The following PKP4 variants were observed in gnomAD, a reference collection of about 807,000 sequenced individuals.
The protein encoded by PKP4 is plakophilin 4, also known as plakophilin-4.
PKP4 carries 90 observed loss-of-function variants against 145.1 expected under a neutral mutation model. The ratio of observed to expected loss-of-function variants is 0.62; its 90% CI spans 0.52 to 0.74. PKP4 has a LOEUF of 0.74. Among genes scored for constraint, PKP4 ranks in the 30% least tolerant of loss-of-function variants. The probability of loss-of-function intolerance (pLI) is 0.00; values close to 1 mark genes in which losing one functional copy is unlikely to be tolerated. For synonymous variants in PKP4, 563 were observed against 577.2 expected (o/e 0.98, Z 0.35); for missense variants, 1,340 against 1,482.7 (o/e 0.90, Z 1.58).
chr2:158,529,101 T>C (rs1275634253), intron 1 of PKP4, among the ~76,000 whole-genome samples: 3 of 152,154 alleles, frequency 2.0e-5, no homozygotes, highest in Admixed American at 6.5e-5. Context: ...ATCATGGGAG[T>C]GTGCTACCTT....
At chr2:158,509,583 T>C (rs2041311581) in intron 1 of PKP4, among the ~76,000 whole-genome samples, 1 of 152,180 alleles carries the variant, frequency 6.6e-6, no homozygotes, top group Non-Finnish European at 1.5e-5. Flanking sequence ...GGTGGAATTA[T>C]AGCTCTGATT....
intron 3 of PKP4, among the ~76,000 whole-genome samples, chr2:158,600,200 G>T (rs546523672): frequency 1.3e-5 from 2 of 152,198 alleles, no homozygotes; most frequent in Admixed American, 1.3e-4. Flanking sequence ...AAGGTTATTA[G>T]TGGATTTCAT....
chr2:158,491,216 A>G (rs1694887065), intron 1 of PKP4, among the ~76,000 whole-genome samples: 1 of 151,988 alleles, frequency 6.6e-6, no homozygotes, highest in Non-Finnish European at 1.5e-5. Flanking sequence ...ACCATCGTAA[A>G]AAGGGGTGCG....
rs879242722 is a variant in PKP4 at position 158,605,878 on chromosome 2, T to C, written c.280+2774T>C. 5.3e-5 allele frequency among the ~76,000 whole-genome samples: 8 copies of C among 152,166 alleles called. 1 individual carries two copies. The highest frequency in any genetic ancestry group is 5.2e-4 in the Admixed American group (8 of 15,274). On this transcript the variant is annotated intron_variant, in intron 4 of 21. Coordinates refer to ENST00000389759, the MANE Select transcript of PKP4 (RefSeq NM_003628.6). ...GATTTGCCTATTCTAGACATTTCAGTTGAATAGAATCATACATGTGGTCCT... is the reference window on the plus strand; with the variant it reads ...GATTTGCCTATTCTAGACATTTCAGCTGAATAGAATCATACATGTGGTCCT...
At chr2:158,667,622 G>A (rs147735146) in intron 16 of PKP4, among the ~76,000 whole-genome samples, 73 of 152,334 alleles carry the variant, frequency 4.8e-4, no homozygotes, top group African/African-American at 1.6e-3. Flanking sequence ...AGGATTAAAC[G>A]TGATGACTTA....
At chr2:158,600,823 C>G (rs1197890602) in intron 3 of PKP4, among the ~76,000 whole-genome samples, 1 of 152,078 alleles carries the variant, frequency 6.6e-6, no homozygotes. Context: ...GCTTGTTTTT[C>G]TAATGATTTA....
intron 1 of PKP4, among the ~76,000 whole-genome samples, chr2:158,492,710 A>G (rs1036764023): frequency 6.6e-6 from 1 of 152,042 alleles, no homozygotes; most frequent in Non-Finnish European, 1.5e-5. Flanking sequence ...GACTCTTACT[A>G]CTTAAGTTCT....
intron 3 of PKP4, among the ~76,000 whole-genome samples, chr2:158,580,109 G>A (rs1452885590): frequency 6.6e-6 from 1 of 152,174 alleles, no homozygotes; most frequent in Non-Finnish European, 1.5e-5. Context: ...TGTTAAATGA[G>A]GGAGTGGTTG....
chr2:158,510,232 T>C (rs1467472944), intron 1 of PKP4, among the ~76,000 whole-genome samples: 2 of 152,330 alleles, frequency 1.3e-5, no homozygotes, highest in Non-Finnish European at 2.9e-5. Context: ...TGATCTAATA[T>C]ATTAAACATT....
rs185012534 is a variant in PKP4 at position 158,595,806 on chromosome 2, A to C, written c.246-7264A>C. Among the ~76,000 whole-genome samples, 95 of 152,264 alleles carry C rather than the reference A, an allele frequency of 6.2e-4. 1 individual carries two copies. In the East Asian group the frequency reaches 0.011, roughly 18 times the overall value. Reference sequence around the variant, plus strand: ...AGAGACAAACTTAAGAATCATTAGTAGTTATTTTGTCATATTTCCTTGGGG... The same window carrying C: ...AGAGACAAACTTAAGAATCATTAGTCGTTATTTTGTCATATTTCCTTGGGG... On this transcript the variant is annotated intron_variant, in intron 3 of 21. Coordinates refer to ENST00000389759, the MANE Select transcript of PKP4 (RefSeq NM_003628.6).
At chr2:158,543,536 G>A (rs979162858) in intron 2 of PKP4, among the ~76,000 whole-genome samples, 1 of 152,180 alleles carries the variant, frequency 6.6e-6, no homozygotes, top group African/African-American at 2.4e-5. Flanking sequence ...GGTGCTTTCA[G>A]TCATCAAGAA....
chr2:158,564,900 A>T (rs10174340), intron 2 of PKP4, among the ~76,000 whole-genome samples: 70,510 of 152,024 alleles, frequency 0.46, 17,329 homozygotes, highest in South Asian at 0.67. Context: ...AATTCTTATT[A>T]AATTGCAGGG....
chr2:158,545,241 C>T (rs1279851480), intron 2 of PKP4, among the ~76,000 whole-genome samples: 1 of 152,056 alleles, frequency 6.6e-6, no homozygotes, highest in Non-Finnish European at 1.5e-5. Context: ...CTCTGTACTC[C>T]CTTCTTTGAC....
At chr2:158,560,914 A>G (rs1369546230) in intron 2 of PKP4, among the ~76,000 whole-genome samples, 1 of 152,186 alleles carries the variant, frequency 6.6e-6, no homozygotes, top group Non-Finnish European at 1.5e-5. Context: ...TAATCCTTCC[A>G]TATTTGTTCT....
intron 2 of PKP4, among the ~76,000 whole-genome samples, chr2:158,565,079 C>T (rs530044719): frequency 6.6e-6 from 1 of 152,250 alleles, no homozygotes; most frequent in South Asian, 2.1e-4. Context: ...TTCGTGTGAC[C>T]TTGGGCAAGT....
chr2:158,670,444 C>T lies in PKP4; in HGVS notation c.2924+529C>T, dbSNP rs574879839. Among the ~76,000 whole-genome samples, 43 of 152,260 alleles carry T rather than the reference C, an allele frequency of 2.8e-4. 1 individual carries two copies. Among genetic ancestry groups the T allele is most frequent in the African/African-American group, 7.7e-4 (32 of 41,520 alleles). On this transcript the variant is annotated intron_variant, in intron 17 of 21. Coordinates refer to ENST00000389759, the MANE Select transcript of PKP4 (RefSeq NM_003628.6). The stretch of plus-strand genomic sequence containing the variant: ...ATCTAATCACCTCTCAAAGGCTCCA[C>T]CTCCTAATACCATCACCTTGGGGGT...
chr2:158,519,145 C>T (rs1022286172), intron 1 of PKP4, among the ~76,000 whole-genome samples: 5 of 145,662 alleles, frequency 3.4e-5, no homozygotes, highest in Admixed American at 3.4e-4. Context: ...AAATCTCTCT[C>T]TTTTTTTTTT....
chr2:158,637,017 G>A (rs2053864069), intron 9 of PKP4, among the ~76,000 whole-genome samples: 1 of 152,064 alleles, frequency 6.6e-6, no homozygotes, highest in Non-Finnish European at 1.5e-5. Flanking sequence ...ATATTTATAA[G>A]TCATATGTTT....
intron 1 of PKP4, among the ~76,000 whole-genome samples, chr2:158,488,122 A>C: frequency 6.6e-6 from 1 of 152,194 alleles, no homozygotes; most frequent in African/African-American, 2.4e-5. Flanking sequence ...TAACCATTGT[A>C]TGATCTGATT....
Sources: allele counts gnomAD v4.1 joint callset (sites outside exome capture counted in the v4.1 genomes callset), GRCh38; gene constraint gnomAD v4.1.1; transcripts MANE v1.5; gene names NCBI Gene and HGNC (gene_info 2026-07-23, HGNC 2026-07-21).